Variants in FGF12 observed in about 807,000 individuals in gnomAD.
The protein encoded by FGF12 is fibroblast growth factor 12, also known as fibroblast growth factor 12B.
In FGF12, 14 loss-of-function variants were observed where a neutral mutation model predicts 23.6. The ratio of observed to expected loss-of-function variants is 0.59; its 90% CI spans 0.39 to 0.93. The LOEUF (loss-of-function observed/expected upper bound fraction) is 0.93. Ranked by LOEUF, FGF12 falls within the 40% of genes least tolerant of loss-of-function variation. FGF12 has a pLI of 0.00. For missense variants in FGF12, 175 were observed against 217.8 expected (o/e 0.80, Z 1.24); for synonymous variants, 62 against 77.3 (o/e 0.80, Z 1.04).
At chr3:192,582,287 A>AT (rs1442507027) in intron 2 of FGF12, among the ~76,000 whole-genome samples, 1 of 152,200 alleles carries the variant, frequency 6.6e-6, no homozygotes, top group Non-Finnish European at 1.5e-5. Flanking sequence ...GTTTTATTTC[A>AT]TATCTTCTTC....
At chr3:192,271,505 C>G (rs4687308) in intron 4 of FGF12, among the ~76,000 whole-genome samples, 54,940 of 152,000 alleles carry the variant, frequency 0.36, 11,001 homozygotes, top group East Asian at 0.9. Context: ...GTATCCCACC[C>G]ATCTTTGAAA....
At chr3:192,260,355 C>A (rs573470155) in intron 4 of FGF12, among the ~76,000 whole-genome samples, 5 of 152,222 alleles carry the variant, frequency 3.3e-5, no homozygotes, top group Non-Finnish European at 1.5e-5. Flanking sequence ...GATCTCCCAC[C>A]AAATTTTTAC....
At chr3:192,581,475 T>C (rs571717629) in intron 2 of FGF12, among the ~76,000 whole-genome samples, 3 of 76,270 alleles carry the variant, frequency 3.9e-5, no homozygotes, top group East Asian at 1.8e-3. Flanking sequence ...TGTATATATA[T>C]GTGTGTGTGT....
intron 4 of FGF12, among the ~76,000 whole-genome samples, chr3:192,327,002 A>G (rs1426621456): frequency 6.6e-6 from 1 of 152,200 alleles, no homozygotes; most frequent in African/African-American, 2.4e-5. Flanking sequence ...TTTATTGCAC[A>G]TAAGGCCAAG....
intron 2 of FGF12, among the ~76,000 whole-genome samples, chr3:192,657,719 G>A (rs1230809884): frequency 1.3e-5 from 2 of 151,976 alleles, no homozygotes; most frequent in African/African-American, 4.8e-5. Context: ...TAGTATAATG[G>A]GATCTTATGT....
chr3:192,668,175 GA>G (rs201047243), intron 2 of FGF12, among the ~76,000 whole-genome samples: 20 of 142,030 alleles, frequency 1.4e-4, no homozygotes, highest in African/African-American at 4.1e-4. Context: ...TCTGAACTCC[GA>G]AAAAAAAAAC....
At chr3:192,174,567 G>C (rs1336570532) in intron 4 of FGF12, among the ~76,000 whole-genome samples, 1 of 152,150 alleles carries the variant, frequency 6.6e-6, no homozygotes, top group Non-Finnish European at 1.5e-5. Context: ...CTATAAACTG[G>C]ACGGGAAATC....
At chr3:192,208,453 T>A (rs1717762735) in intron 4 of FGF12, among the ~76,000 whole-genome samples, 1 of 152,208 alleles carries the variant, frequency 6.6e-6, no homozygotes, top group South Asian at 2.1e-4. Context: ...GTTAAGTGCT[T>A]CTCTCTGTCC....
intron 2 of FGF12, among the ~76,000 whole-genome samples, chr3:192,558,600 CA>C (rs34336830): frequency 0.86 from 130,364 of 151,716 alleles, 56,069 homozygotes; most frequent in East Asian, 0.94. Context: ...CATATGAAAC[CA>C]AAAAATAAAC....
At chr3:192,240,210 C>T (rs562744111) in intron 4 of FGF12, among the ~76,000 whole-genome samples, 77 of 152,260 alleles carry the variant, frequency 5.1e-4, no homozygotes, top group African/African-American at 1.7e-3. Flanking sequence ...CAACACCACA[C>T]GATGACTGAT....
intron 2 of FGF12, among the ~76,000 whole-genome samples, chr3:192,432,039 C>T (rs532424860): frequency 4.6e-5 from 7 of 152,302 alleles, no homozygotes; most frequent in Non-Finnish European, 1.0e-4. Context: ...ACCTCGGCAG[C>T]ACCACATAGA....
intron 2 of FGF12, among the ~76,000 whole-genome samples, chr3:192,726,198 G>A (rs1719208559): frequency 6.6e-6 from 1 of 152,146 alleles, no homozygotes; most frequent in Admixed American, 6.5e-5. Context: ...GACATTCCTG[G>A]TTTAAAAATA....
Position 192,141,128 on chromosome 3 carries a change from C to CAAAAAA in FGF12, c.*2875_*2880dup, listed in dbSNP as rs56933017. ...CCTGGGAAAAATCCCAATGCAACTC[C>CAAAAAA]AAAAAAAAAAAAAAAAAAAAAAAAA... On this transcript the variant is annotated 3_prime_UTR_variant, in exon 6 of 6. Transcript: ENST00000445105. The CAAAAAA allele has an allele frequency of 9.7e-5, 4 of 41,218 alleles. No homozygotes were observed. The highest frequency in any genetic ancestry group is 4.1e-4 in the African/African-American group (4 of 9,826). The allele number at this position is 41,218 out of a possible 1,614,324, so 2.6% of individuals were successfully genotyped here.
intron 3 of FGF12, among the ~76,000 whole-genome samples, chr3:192,355,504 A>G (rs932966912): frequency 4.6e-5 from 7 of 152,236 alleles, no homozygotes; most frequent in African/African-American, 1.7e-4. Flanking sequence ...CTTCCAATGA[A>G]TATCATAAAC....
rs113979479 is a variant in FGF12 at position 192,281,242 on chromosome 3, C to G, written c.228+54119G>C. Among the ~76,000 whole-genome samples, 1,081 of 152,214 alleles carry G rather than the reference C, an allele frequency of 7.1e-3. 8 individuals are homozygous for G. The highest frequency in any genetic ancestry group is 0.025 in the African/African-American group (1,047 of 41,538). ...GGGAAGAATCCTAGTTTGCCTTTTC[C>G]TAGCTTTGGGGGGTTAATGAAAATC... On this transcript the variant is annotated intron_variant, in intron 4 of 5. Transcript: ENST00000445105.
intron 5 of FGF12, among the ~76,000 whole-genome samples, chr3:192,157,470 C>A (rs533308409): frequency 1.3e-5 from 2 of 152,216 alleles, no homozygotes; most frequent in Admixed American, 1.3e-4. Context: ...CAAAAACAAT[C>A]CATTTTCTCT....
intron 4 of FGF12, among the ~76,000 whole-genome samples, chr3:192,316,281 AT>A (rs947140602): frequency 9.6e-4 from 146 of 152,322 alleles, no homozygotes; most frequent in African/African-American, 3.4e-3. Context: ...ACAAAAAAAA[AT>A]CCTTCATAAT....
chr3:192,323,617 G>A (rs773527872), intron 4 of FGF12, among the ~76,000 whole-genome samples: 2 of 152,164 alleles, frequency 1.3e-5, no homozygotes, highest in South Asian at 2.1e-4. Context: ...TAGTTAGATA[G>A]AATGTTTCAG....
At chr3:192,620,034 C>T (rs925269290) in intron 2 of FGF12, among the ~76,000 whole-genome samples, 1 of 152,102 alleles carries the variant, frequency 6.6e-6, no homozygotes, top group Non-Finnish European at 1.5e-5. Context: ...CATTTGTGCT[C>T]AGTGGGCGAG....
Sources: allele counts gnomAD v4.1 joint callset (sites outside exome capture counted in the v4.1 genomes callset), GRCh38; gene constraint gnomAD v4.1.1; transcripts MANE v1.5; gene names NCBI Gene and HGNC (gene_info 2026-07-23, HGNC 2026-07-21).